The following SKAP1 variants were observed in gnomAD, a reference collection of about 807,000 sequenced individuals.
The protein encoded by SKAP1 is src kinase associated phosphoprotein 1, also known as src kinase-associated phosphoprotein 1.
A neutral mutation model predicts 58.5 loss-of-function variants in SKAP1; 44 were observed. The observed-to-expected ratio is 0.75, with a 90% CI of 0.59 to 0.97. SKAP1 has a LOEUF of 0.97. Ranked by LOEUF, SKAP1 falls within the 50% of genes least tolerant of loss-of-function variation. SKAP1 has a pLI of 0.00. For missense variants in SKAP1, 390 were observed against 435.2 expected (o/e 0.90, Z 0.92); for synonymous variants, 127 against 149.7 (o/e 0.85, Z 1.11).
At chr17:48,148,842 T>C (rs2063864938) in intron 11 of SKAP1, among the ~76,000 whole-genome samples, 1 of 152,182 alleles carries the variant, frequency 6.6e-6, no homozygotes, top group Non-Finnish European at 1.5e-5. Flanking sequence ...AAAGTTATTC[T>C]ACTGTTGCCT....
chr17:48,382,749 A>G (rs535010793), intron 2 of SKAP1, among the ~76,000 whole-genome samples: 97 of 152,320 alleles, frequency 6.4e-4, no homozygotes, highest in Non-Finnish European at 2.6e-4. Flanking sequence ...GTCCTCAGTG[A>G]AGCCATCTTA....
chr17:48,432,722 T>G (rs2067926087), upstream of SKAP1, among the ~76,000 whole-genome samples: 1 of 152,168 alleles, frequency 6.6e-6, no homozygotes, highest in South Asian at 2.1e-4. Context: ...CAACCTAAAC[T>G]TTGCCTTGCT....
At chr17:48,352,461 A>G (rs771391318) in intron 3 of SKAP1, among the ~76,000 whole-genome samples, 17 of 152,186 alleles carry the variant, frequency 1.1e-4, no homozygotes, top group Non-Finnish European at 1.6e-4. Context: ...AAATGAATGC[A>G]CTTATCATAT....
At chr17:48,233,268 AT>A (rs1484915610) in intron 4 of SKAP1, among the ~76,000 whole-genome samples, 20 of 152,206 alleles carry the variant, frequency 1.3e-4, no homozygotes, top group African/African-American at 4.8e-4. Context: ...GGAAAATTAA[AT>A]GGGGCTACTT....
intron 4 of SKAP1, among the ~76,000 whole-genome samples, chr17:48,238,025 G>T (rs995118206): frequency 1.3e-5 from 2 of 151,788 alleles, no homozygotes. Flanking sequence ...ACGGAGCCTG[G>T]CTCTGTTGCC....
At chr17:48,434,875 C>G (rs769927383), upstream of SKAP1, among the ~76,000 whole-genome samples, 6 of 152,174 alleles carry the variant, frequency 3.9e-5, no homozygotes, top group Non-Finnish European at 8.8e-5. Context: ...TCATTCCCAG[C>G]ACTTTGGGAG....
intron 1 of SKAP1, among the ~76,000 whole-genome samples, chr17:48,406,518 C>T (rs531918859): frequency 6.9e-4 from 105 of 151,362 alleles, no homozygotes; most frequent in African/African-American, 2.4e-3. Context: ...ATTCACCCAC[C>T]TCAGCCTCCC....
At chr17:48,184,599 G>A (rs557414826) in intron 7 of SKAP1, 124 bp downstream of exon 7, 29 of 1,225,536 alleles carry the variant, frequency 2.4e-5, no homozygotes, top group Middle Eastern at 2.1e-4. Context: ...TAGGGTCTTC[G>A]TTGGCATGAA....
At chr17:48,241,507 A>G (rs1023768608) in intron 4 of SKAP1, among the ~76,000 whole-genome samples, 23 of 152,198 alleles carry the variant, frequency 1.5e-4, no homozygotes, top group Non-Finnish European at 3.2e-4. Flanking sequence ...CTAGTTCAAT[A>G]GTTGTATGGT....
intron 9 of SKAP1, among the ~76,000 whole-genome samples, chr17:48,171,097 T>TTG (rs1429487936): frequency 7.0e-6 from 1 of 143,506 alleles, no homozygotes; most frequent in Non-Finnish European, 1.5e-5. Flanking sequence ...ACTGTTGTTT[T>TTG]TTTTTTTTTT....
chr17:48,135,789 A>G (rs1264226552), intron 12 of SKAP1, among the ~76,000 whole-genome samples: 3 of 152,016 alleles, frequency 2.0e-5, no homozygotes, highest in Non-Finnish European at 2.9e-5. Context: ...CATATTCTCT[A>G]TTACTTAAAA....
chr17:48,421,070 C>T (rs1256398085), intron 1 of SKAP1, among the ~76,000 whole-genome samples: 4 of 152,102 alleles, frequency 2.6e-5, no homozygotes, highest in African/African-American at 9.7e-5. Context: ...TTGAGAATCA[C>T]CCTGATCCTG....
At chr17:48,367,226 T>A (rs1268108514) in intron 2 of SKAP1, among the ~76,000 whole-genome samples, 1 of 152,144 alleles carries the variant, frequency 6.6e-6, no homozygotes, top group Admixed American at 6.5e-5. Context: ...CAGTATCAAA[T>A]AAAGTAGTAG....
At chr17:48,239,210 C>T (rs527724752) in intron 4 of SKAP1, among the ~76,000 whole-genome samples, 60 of 152,224 alleles carry the variant, frequency 3.9e-4, no homozygotes, top group African/African-American at 1.0e-3. Context: ...ATTCACATTC[C>T]GCACCACCAC....
chr17:48,235,355 T>TG (rs894874199), intron 4 of SKAP1, among the ~76,000 whole-genome samples: 1 of 152,064 alleles, frequency 6.6e-6, no homozygotes, highest in African/African-American at 2.4e-5. Flanking sequence ...TCACCATGGT[T>TG]GAAGGTCCAT....
At chr17:48,286,879 C>T (rs1329450771) in intron 4 of SKAP1, among the ~76,000 whole-genome samples, 4 of 152,094 alleles carry the variant, frequency 2.6e-5, no homozygotes, top group Non-Finnish European at 4.4e-5. Flanking sequence ...GGGTGGATCA[C>T]GAGGTCAGGA....
At chr17:48,434,150 C>T (rs1337381703), upstream of SKAP1, among the ~76,000 whole-genome samples, 2 of 152,194 alleles carry the variant, frequency 1.3e-5, no homozygotes, top group Non-Finnish European at 2.9e-5. Context: ...CTCAGCCTCT[C>T]GGTCCCAACC....
At chr17:48,139,858 C>T (rs1299532175) in intron 11 of SKAP1, among the ~76,000 whole-genome samples, 1 of 152,106 alleles carries the variant, frequency 6.6e-6, no homozygotes. Flanking sequence ...CCATTAAAGT[C>T]GGGGAAGCAC....
At chr17:48,377,722 A>G (rs1460760880) in intron 2 of SKAP1, among the ~76,000 whole-genome samples, 1 of 152,212 alleles carries the variant, frequency 6.6e-6, no homozygotes, top group African/African-American at 2.4e-5. Flanking sequence ...GGATTTTTCT[A>G]GGCTTGTGGG....
Sources: allele counts gnomAD v4.1 joint callset (sites outside exome capture counted in the v4.1 genomes callset), GRCh38; gene constraint gnomAD v4.1.1; transcripts MANE v1.5; gene names NCBI Gene and HGNC (gene_info 2026-07-23, HGNC 2026-07-21).